The following PHF21A variants were observed in gnomAD, a reference collection of about 807,000 sequenced individuals.
PHF21A encodes the protein BHC80a.
Under a neutral mutation model 82.5 loss-of-function variants are expected in PHF21A, and 11 were observed. The ratio of observed to expected loss-of-function variants is 0.13; its 90% CI spans 0.08 to 0.22. The LOEUF (loss-of-function observed/expected upper bound fraction) is 0.22. Ranked by LOEUF, PHF21A falls within the 10% of genes least tolerant of loss-of-function variation. The pLI is 1.00. For missense variants in PHF21A, 579 were observed against 837.8 expected (o/e 0.69, Z 3.81); for synonymous variants, 297 against 302.8 (o/e 0.98, Z 0.20).
At chr11:45,992,091 C>T (rs1000994533) in intron 6 of PHF21A, among the ~76,000 whole-genome samples, 1 of 152,168 alleles carries the variant, frequency 6.6e-6, no homozygotes, top group African/African-American at 2.4e-5. Flanking sequence ...CCTAATAACA[C>T]TAATCAATGA....
At chr11:46,018,846 A>G (rs75056090) in intron 6 of PHF21A, among the ~76,000 whole-genome samples, 2,840 of 152,294 alleles carry the variant, frequency 0.019, 47 homozygotes, top group Non-Finnish European at 0.027. Context: ...ACTGCATACC[A>G]TGACACGCTC....
At chr11:46,094,914 A>T (rs73455946) in intron 1 of PHF21A, among the ~76,000 whole-genome samples, 4,558 of 152,204 alleles carry the variant, frequency 0.03, 226 homozygotes, top group African/African-American at 0.1. Flanking sequence ...AAGACAAATC[A>T]TGAAATCCTT....
At chr11:45,946,151 C>T (rs890226146) in intron 14 of PHF21A, 148 bp from the exon 15 acceptor site, 1 of 1,573,204 alleles carries the variant, frequency 6.4e-7, no homozygotes, top group Non-Finnish European at 8.7e-7. Context: ...TCAACAGTCC[C>T]AAAGGAAGGA....
At chr11:45,971,709 C>T (rs1352719733) in intron 7 of PHF21A, among the ~76,000 whole-genome samples, 2 of 151,820 alleles carry the variant, frequency 1.3e-5, no homozygotes, top group East Asian at 3.9e-4. Flanking sequence ...TTTAGTTTTT[C>T]TAGTTCTTTG....
chr11:45,985,937 A>G (rs895206216), intron 6 of PHF21A, among the ~76,000 whole-genome samples: 16 of 152,300 alleles, frequency 1.1e-4, no homozygotes, highest in Admixed American at 9.2e-4. Flanking sequence ...AGCAACTGTA[A>G]TTATCAGAGA....
chr11:46,031,661 A>T (rs1459361522), intron 6 of PHF21A, among the ~76,000 whole-genome samples: 2 of 152,234 alleles, frequency 1.3e-5, no homozygotes, highest in African/African-American at 4.8e-5. Flanking sequence ...TCTTTAGATT[A>T]ATAGGCGCTC....
At chr11:46,055,247 T>A (rs1344391756) in intron 6 of PHF21A, among the ~76,000 whole-genome samples, 1 of 152,188 alleles carries the variant, frequency 6.6e-6, no homozygotes, top group Non-Finnish European at 1.5e-5. Context: ...TTTAGTAATT[T>A]TTTTTATCAT....
At chr11:46,065,345 C>A (rs1455262695) in intron 6 of PHF21A, among the ~76,000 whole-genome samples, 1 of 151,964 alleles carries the variant, frequency 6.6e-6, no homozygotes, top group Non-Finnish European at 1.5e-5. Flanking sequence ...AGAAATGGTC[C>A]TTTTTTGCCC....
chr11:46,113,214 AACC>A, intron 1 of PHF21A, among the ~76,000 whole-genome samples: 1 of 152,206 alleles, frequency 6.6e-6, no homozygotes, highest in Non-Finnish European at 1.5e-5. Context: ...GTAGTAAGTA[AACC>A]ACGTTATCAC....
chr11:45,958,425 T>A (rs1250468556), intron 10 of PHF21A, among the ~76,000 whole-genome samples: 381 of 12,016 alleles, frequency 0.032, 5 homozygotes, highest in East Asian at 0.11. Flanking sequence ...AAAAAATATA[T>A]ATATATATAT....
At chr11:46,107,962 A>C (rs2097170060) in intron 1 of PHF21A, among the ~76,000 whole-genome samples, 1 of 152,174 alleles carries the variant, frequency 6.6e-6, no homozygotes, top group Non-Finnish European at 1.5e-5. Context: ...TACTCACATG[A>C]AGTTGTGAAG....
rs1590909129 is a variant in PHF21A at position 45,936,773 on chromosome 11, G to A, written c.1609-204C>T. ...AGGAGAATCAAGTTCAAGGCAGGAA[G>A]AGCCAGGACACTTGAGCCCAGGCTT... On this transcript the variant is annotated intron_variant, in intron 16 of 18. Transcript: ENST00000676320. 3.9e-5 allele frequency: 21 copies of A among 537,544 alleles called. No homozygotes were observed. The East Asian group carries it at 6.8e-4, about 17-fold the overall frequency. 33.3% of individuals were successfully genotyped at this position (537,544 alleles called of 1,614,324 possible).
intron 6 of PHF21A, among the ~76,000 whole-genome samples, chr11:45,981,473 G>A (rs1233822486): frequency 6.6e-6 from 1 of 151,620 alleles, no homozygotes; most frequent in African/African-American, 2.4e-5. Context: ...TAAAGTGGTG[G>A]GACCAAAGAC....
At chr11:46,099,154 T>C (rs1464772133) in intron 1 of PHF21A, among the ~76,000 whole-genome samples, 3 of 151,892 alleles carry the variant, frequency 2.0e-5, no homozygotes, top group African/African-American at 7.3e-5. Context: ...CAAAAATAAA[T>C]TCAACAAGAT....
At chr11:46,006,680 T>C (rs1206594826) in intron 6 of PHF21A, among the ~76,000 whole-genome samples, 1 of 152,220 alleles carries the variant, frequency 6.6e-6, no homozygotes, top group Non-Finnish European at 1.5e-5. Context: ...CTACAATCTA[T>C]TCAGCTGGTC....
At chr11:45,958,789 A>G (rs973993175) in intron 10 of PHF21A, among the ~76,000 whole-genome samples, 1 of 151,908 alleles carries the variant, frequency 6.6e-6, no homozygotes. Flanking sequence ...ATGGTGGTGC[A>G]TGCCTATAGT....
intron 1 of PHF21A, among the ~76,000 whole-genome samples, chr11:46,096,154 T>C (rs1253961227): frequency 6.6e-6 from 1 of 152,046 alleles, no homozygotes. Context: ...TTAATAACCA[T>C]CCCTCTTGTA....
chr11:46,050,723 T>A (rs949060007), intron 6 of PHF21A, among the ~76,000 whole-genome samples: 1 of 152,170 alleles, frequency 6.6e-6, no homozygotes, highest in Non-Finnish European at 1.5e-5. Flanking sequence ...AGAGAAAGAA[T>A]GGGAATTAAT....
intron 8 of PHF21A, 70 bp downstream of exon 8, chr11:45,971,046 G>T: frequency 6.5e-7 from 1 of 1,534,162 alleles, no homozygotes; most frequent in South Asian, 1.2e-5. Flanking sequence ...AGCCTAGAAG[G>T]GATATACTAT....
Sources: allele counts gnomAD v4.1 joint callset (sites outside exome capture counted in the v4.1 genomes callset), GRCh38; gene constraint gnomAD v4.1.1; transcripts MANE v1.5; gene names NCBI Gene and HGNC (gene_info 2026-07-23, HGNC 2026-07-21).